C8B: variants seen among roughly 807,000 people sequenced by gnomAD.
C8B encodes complement C8 beta chain.
In C8B, 67 loss-of-function variants were observed where a neutral mutation model predicts 64.6. The ratio of observed to expected loss-of-function variants is 1.04; its 90% CI spans 0.85 to 1.27. The LOEUF (loss-of-function observed/expected upper bound fraction) is 1.27. Among genes scored for constraint, C8B ranks in the 50% most tolerant of loss-of-function variants. The pLI, the probability that C8B is intolerant of heterozygous loss-of-function variation, is 0.00. For synonymous variants in C8B, 284 were observed against 257.7 expected (o/e 1.10, Z -0.98); for missense variants, 790 against 725.2 (o/e 1.09, Z -1.03).
intron 3 of C8B, among the ~76,000 whole-genome samples, chr1:56,955,432 C>T (rs144520427): frequency 1.4e-3 from 217 of 152,312 alleles, no homozygotes; most frequent in African/African-American, 4.8e-3. Context: ...AAATTATTTG[C>T]ATCCCTTTTG....
chr1:56,945,847 A>G lies in C8B; in HGVS notation c.1079T>C (p.Met360Thr). 6.2e-7 allele frequency: 1 copy of G among 1,614,134 alleles called. No homozygotes were observed. Among genetic ancestry groups the G allele is most frequent in the Non-Finnish European group, 8.5e-7 (1 of 1,180,014 alleles). Residue 360 changes from methionine to threonine, a missense_variant, in exon 7 of 12, where the codon ATG becomes ACG. Physicochemically the swap from Met to Thr is moderately conservative, Grantham distance 81. Coordinates refer to ENST00000371237, the MANE Select transcript of C8B (RefSeq NM_000066.4). ...TCCTCTCTCCATGGCCTCTTTGTTCATAACGAGGGTGTATTCATAAATGCC... is the reference window on the plus strand; with the variant it reads ...TCCTCTCTCCATGGCCTCTTTGTTCGTAACGAGGGTGTATTCATAAATGCC... Reference protein sequence around the residue: ...LGGIYEYTLVMNKEAMERGDY... With the variant: ...LGGIYEYTLVTNKEAMERGDY...
intron 1 of C8B, among the ~76,000 whole-genome samples, chr1:56,961,106 G>T (rs1005464594): frequency 1.3e-5 from 2 of 152,130 alleles, no homozygotes; most frequent in Non-Finnish European, 2.9e-5. Context: ...GAGCACATTG[G>T]GTTATGAGTG....
intron 6 of C8B, among the ~76,000 whole-genome samples, chr1:56,947,844 T>C (rs1251146532): frequency 6.6e-6 from 1 of 152,006 alleles, no homozygotes; most frequent in Non-Finnish European, 1.5e-5. Context: ...GGCAGGAGAA[T>C]CGCTTGAACC....
Position 56,934,784 on chromosome 1 carries a change from C to T in C8B, c.1399-1296G>A, listed in dbSNP as rs533258737. 2.6e-5 allele frequency among the ~76,000 whole-genome samples: 4 copies of T among 152,148 alleles called. No homozygotes were observed. The South Asian group carries it at 8.3e-4, about 32-fold the overall frequency. On this transcript the variant is annotated intron_variant, in intron 9 of 11. Transcript: ENST00000371237. ...AGAACCATCCAACCTGCTGGCCACA[C>T]AAGGGGTGGGGGTGGGAGTTTGGAG...
chr1:56,938,740 C>T (rs887626453), intron 9 of C8B, among the ~76,000 whole-genome samples: 1 of 152,174 alleles, frequency 6.6e-6, no homozygotes, highest in Non-Finnish European at 1.5e-5. Flanking sequence ...CATAATTAAG[C>T]CTTGGTTGAA....
intron 7 of C8B, among the ~76,000 whole-genome samples, chr1:56,945,131 C>T (rs1191146269): frequency 1.3e-5 from 2 of 152,178 alleles, no homozygotes; most frequent in African/African-American, 4.8e-5. Flanking sequence ...TTAGGTCTCA[C>T]TCCAAACCTA....
chr1:56,934,396 G>A (rs1326341594), intron 9 of C8B, among the ~76,000 whole-genome samples: 6 of 152,178 alleles, frequency 3.9e-5, no homozygotes, highest in Non-Finnish European at 8.8e-5. Flanking sequence ...GCATGGCCAT[G>A]TTTGAGACGG....
intron 1 of C8B, among the ~76,000 whole-genome samples, chr1:56,961,363 ATCT>A (rs1451489544): frequency 5.9e-5 from 9 of 152,248 alleles, no homozygotes; most frequent in African/African-American, 2.2e-4. Context: ...CACCCACGCT[ATCT>A]TCTTCTATTT....
chr1:56,939,562 A>G (rs1168484498), intron 9 of C8B, among the ~76,000 whole-genome samples: 1 of 152,186 alleles, frequency 6.6e-6, no homozygotes, highest in Non-Finnish European at 1.5e-5. Context: ...TAGCAAGAAG[A>G]GCATGGTGTT....
chr1:56,943,404 T>A (rs1334079181), intron 8 of C8B, among the ~76,000 whole-genome samples: 1 of 152,214 alleles, frequency 6.6e-6, no homozygotes, highest in African/African-American at 2.4e-5. Flanking sequence ...CAAAATAGTA[T>A]GCAGCGATAG....
intron 7 of C8B, among the ~76,000 whole-genome samples, chr1:56,944,106 A>G (rs1644907476): frequency 6.6e-6 from 1 of 152,180 alleles, no homozygotes; most frequent in Non-Finnish European, 1.5e-5. Flanking sequence ...ATTTTCTAAA[A>G]ATTTGATCTG....
chr1:56,944,899 G>T (rs749158388), intron 7 of C8B, among the ~76,000 whole-genome samples: 48 of 152,256 alleles, frequency 3.2e-4, no homozygotes, highest in Non-Finnish European at 4.3e-4. Flanking sequence ...CCCAACAAGT[G>T]CCATGTCATA....
chr1:56,937,119 T>G (rs774912783), intron 9 of C8B, among the ~76,000 whole-genome samples: 2 of 152,194 alleles, frequency 1.3e-5, no homozygotes, highest in Non-Finnish European at 2.9e-5. Context: ...TCTGGGCACA[T>G]GGTAAGGCTG....
chr1:56,936,558 T>C (rs1644778346), intron 9 of C8B, among the ~76,000 whole-genome samples: 1 of 150,430 alleles, frequency 6.6e-6, no homozygotes, highest in Non-Finnish European at 1.5e-5. Context: ...CATTTAGTTA[T>C]ATTCATGGGT....
intron 5 of C8B, among the ~76,000 whole-genome samples, chr1:56,951,422 T>C (rs1367176988): frequency 6.6e-6 from 1 of 152,094 alleles, no homozygotes; most frequent in Non-Finnish European, 1.5e-5. Flanking sequence ...GGATCTCAAG[T>C]GTGTGTGTCC....
At chr1:56,962,230 C>T (rs1645189729) in intron 1 of C8B, among the ~76,000 whole-genome samples, 1 of 152,162 alleles carries the variant, frequency 6.6e-6, no homozygotes, top group African/African-American at 2.4e-5. Flanking sequence ...TAGTTATATC[C>T]ACCACATCTC....
At chr1:56,932,471 C>T (rs1644715788) in intron 10 of C8B, among the ~76,000 whole-genome samples, 1 of 152,144 alleles carries the variant, frequency 6.6e-6, no homozygotes, top group African/African-American at 2.4e-5. Context: ...CAGGTGGGTC[C>T]AAGTTTCTAG....
Position 56,929,295 on chromosome 1 carries a change from CT to C in C8B, c.*108del. 2.6e-6 allele frequency: 3 copies of C among 1,137,728 alleles called. No individual in the cohort carries two copies. Among genetic ancestry groups the C allele is most frequent in the Non-Finnish European group, 4.0e-6 (3 of 747,998 alleles). 70.5% of individuals were successfully genotyped at this position (1,137,728 alleles called of 1,614,324 possible). ...TTTTAAACAGCTTGCATGGCACTGC[CT>C]TTTGCCCTTGCATGAACTCCAGGTG... is the stretch of plus-strand genomic sequence containing the variant. On this transcript the variant is annotated 3_prime_UTR_variant, in exon 12 of 12. Transcript: ENST00000371237.
chr1:56,949,711 T>C lies in C8B; in HGVS notation c.708A>G (p.Ser236=). ...TGACATTGCGTTCAAAATCTGAGTATGATTCATACTCTTTTAATATGAATT... is the reference window on the plus strand; with the variant it reads ...TGACATTGCGTTCAAAATCTGAGTACGATTCATACTCTTTTAATATGAATT... ...KYEFILKEYE[S]YSDFERNVTE... Residue 236 remains serine (S), a synonymous_variant, in exon 6 of 12, where the codon TCA becomes TCG. Transcript: ENST00000371237. 1 of 1,613,956 alleles carries C rather than the reference T, an allele frequency of 6.2e-7. No individual in the cohort carries two copies. The highest frequency in any genetic ancestry group is 8.5e-7 in the Non-Finnish European group (1 of 1,179,928).
Sources: gnomAD v4.1 joint callset for allele counts (sites outside exome capture counted in the v4.1 genomes callset) on GRCh38, gnomAD v4.1.1 for gene constraint, MANE v1.5 for transcripts, NCBI Gene and HGNC (gene_info 2026-07-23, HGNC 2026-07-21) for gene names.